Variants in FSTL5 observed in about 807,000 individuals in gnomAD.
FSTL5 encodes the protein follistatin like 5, also known as follistatin-related protein 5.
FSTL5 carries 62 observed loss-of-function variants against 89.1 expected under a neutral mutation model. The ratio of observed to expected loss-of-function variants is 0.70; its 90% CI spans 0.57 to 0.86. The LOEUF (loss-of-function observed/expected upper bound fraction) is 0.86. Among genes scored for constraint, FSTL5 ranks in the 40% least tolerant of loss-of-function variants. The pLI, the probability that FSTL5 is intolerant of heterozygous loss-of-function variation, is 0.00. For missense variants in FSTL5, 1,057 were observed against 1,001.6 expected (o/e 1.06, Z -0.75); for synonymous variants, 383 against 346.2 (o/e 1.11, Z -1.18).
intron 4 of FSTL5, among the ~76,000 whole-genome samples, chr4:161,837,529 A>C (rs1024147309): frequency 6.6e-6 from 1 of 152,110 alleles, no homozygotes; most frequent in Non-Finnish European, 1.5e-5. Flanking sequence ...GAGGTGAAAA[A>C]ATAGCAAGAA....
At chr4:161,902,417 T>C (rs941630826) in intron 4 of FSTL5, among the ~76,000 whole-genome samples, 6 of 152,176 alleles carry the variant, frequency 3.9e-5, no homozygotes, top group Admixed American at 2.0e-4. Context: ...GGAAAGGGCA[T>C]ATGCACACAT....
intron 15 of FSTL5, among the ~76,000 whole-genome samples, chr4:161,430,719 G>A (rs903079891): frequency 2.6e-5 from 4 of 152,130 alleles, no homozygotes; most frequent in Non-Finnish European, 5.9e-5. Context: ...CAGCCTGGGC[G>A]ACAGAGCGCG....
intron 2 of FSTL5, among the ~76,000 whole-genome samples, chr4:162,039,735 T>C (rs1436615784): frequency 1.3e-5 from 2 of 151,972 alleles, no homozygotes; most frequent in Admixed American, 6.6e-5. Flanking sequence ...CTTTCACTGG[T>C]ATATCGAATA....
intron 4 of FSTL5, among the ~76,000 whole-genome samples, chr4:161,849,598 T>A (rs994367161): frequency 5.3e-5 from 8 of 152,094 alleles, no homozygotes; most frequent in Admixed American, 5.2e-4. Flanking sequence ...TTTCCCTGTC[T>A]TTTTTGTTCA....
At chr4:161,567,392 A>T (rs1732856675) in intron 8 of FSTL5, among the ~76,000 whole-genome samples, 4 of 152,126 alleles carry the variant, frequency 2.6e-5, no homozygotes, top group Non-Finnish European at 1.5e-5. Flanking sequence ...TAAATCTTTA[A>T]GATCAAATAA....
chr4:161,694,936 G>T (rs976477233), intron 6 of FSTL5, among the ~76,000 whole-genome samples: 1 of 148,806 alleles, frequency 6.7e-6, no homozygotes, highest in Non-Finnish European at 1.5e-5. Flanking sequence ...GTCAACGGGT[G>T]AACCTGACAG....
chr4:161,407,975 G>A (rs754971479), intron 15 of FSTL5, among the ~76,000 whole-genome samples: 4 of 152,118 alleles, frequency 2.6e-5, no homozygotes, highest in Admixed American at 6.5e-5. Context: ...GGCTCAGAAG[G>A]GCCTCACTCA....
chr4:161,705,952 GTA>G (rs1206067350), intron 6 of FSTL5, among the ~76,000 whole-genome samples: 13 of 30,670 alleles, frequency 4.2e-4, no homozygotes, highest in African/African-American at 1.8e-3. Context: ...GTAGATGTGT[GTA>G]TATATATATA....
At chr4:161,888,368 G>A (rs574890602) in intron 4 of FSTL5, among the ~76,000 whole-genome samples, 2 of 152,108 alleles carry the variant, frequency 1.3e-5, no homozygotes, top group African/African-American at 2.4e-5. Context: ...GACCAAGGAA[G>A]CCTGGGTTTC....
At chr4:161,782,624 T>A (rs1741714378) in intron 4 of FSTL5, among the ~76,000 whole-genome samples, 1 of 152,204 alleles carries the variant, frequency 6.6e-6, no homozygotes, top group African/African-American at 2.4e-5. Context: ...AGTGAAAACA[T>A]GATTAAGTTG....
In FSTL5 at chr4:161,538,369, A is replaced by G. The variant is rs1731706663; in HGVS notation, c.1178-69T>C. ...TTTTGGAACAGTGCTTTCTGATTAC[A>G]CAGTCAAACAGTTCTCTTGGCTTGT... On this transcript the variant is annotated intron_variant, in intron 9 of 15. Coordinates refer to ENST00000306100, the MANE Select transcript of FSTL5 (RefSeq NM_020116.5). 5.9e-6 allele frequency: 9 copies of G among 1,514,718 alleles called. No homozygotes were observed. In the East Asian group the frequency reaches 2.0e-4, roughly 34 times the overall value. The allele number at this position is 1,514,718 out of a possible 1,614,324, so 93.8% of individuals were successfully genotyped here. A position where few individuals can be genotyped will look rare whatever the true frequency, so the allele number is the denominator to read the frequency against.
chr4:161,490,088 T>G (rs1034219377), intron 12 of FSTL5, among the ~76,000 whole-genome samples: 4 of 152,142 alleles, frequency 2.6e-5, no homozygotes. Flanking sequence ...AAAAGACATT[T>G]TATATGAATT....
At chr4:161,877,462 C>A (rs114199278) in intron 4 of FSTL5, among the ~76,000 whole-genome samples, 7,040 of 151,138 alleles carry the variant, frequency 0.047, 205 homozygotes, top group Non-Finnish European at 0.07. Context: ...AATATTTTAA[C>A]TATTCCTATA....
intron 6 of FSTL5, among the ~76,000 whole-genome samples, chr4:161,671,823 G>C (rs917437731): frequency 6.6e-6 from 1 of 152,090 alleles, no homozygotes; most frequent in Non-Finnish European, 1.5e-5. Flanking sequence ...TTTCTAGTCC[G>C]TGACAGTAGC....
At chr4:161,872,573 A>G (rs1170880392) in intron 4 of FSTL5, among the ~76,000 whole-genome samples, 1 of 152,166 alleles carries the variant, frequency 6.6e-6, no homozygotes, top group Non-Finnish European at 1.5e-5. Flanking sequence ...TGGAACATTT[A>G]CTACACGCCA....
intron 2 of FSTL5, among the ~76,000 whole-genome samples, chr4:162,108,186 C>T (rs1330238423): frequency 1.3e-5 from 2 of 152,148 alleles, no homozygotes; most frequent in East Asian, 1.9e-4. Flanking sequence ...AAGATTTCTA[C>T]AATTAGCATG....
At chr4:161,909,426 G>A (rs1036458497) in intron 4 of FSTL5, among the ~76,000 whole-genome samples, 6 of 152,008 alleles carry the variant, frequency 3.9e-5, no homozygotes, top group African/African-American at 1.4e-4. Context: ...TGGAGACAAG[G>A]ACACCACCGT....
At chr4:161,617,620 C>T (rs956004082) in intron 7 of FSTL5, among the ~76,000 whole-genome samples, 3 of 151,734 alleles carry the variant, frequency 2.0e-5, no homozygotes, top group African/African-American at 4.8e-5. Flanking sequence ...TTAAAACAGC[C>T]GGAAGGAAAT....
intron 4 of FSTL5, among the ~76,000 whole-genome samples, chr4:161,843,309 T>C (rs1282341031): frequency 6.6e-6 from 1 of 152,194 alleles, no homozygotes; most frequent in Non-Finnish European, 1.5e-5. Context: ...AGAAAGTCAA[T>C]GGTAGCTTGA....
Sources: allele counts gnomAD v4.1 joint callset (sites outside exome capture counted in the v4.1 genomes callset), GRCh38; gene constraint gnomAD v4.1.1; transcripts MANE v1.5; gene names NCBI Gene and HGNC (gene_info 2026-07-23, HGNC 2026-07-21).